The following ADAMTS17 variants were observed in gnomAD, a reference collection of about 807,000 sequenced individuals.
ADAMTS17 encodes ADAM metallopeptidase with thrombospondin type 1 motif 17, also known as A disintegrin and metalloproteinase with thrombospondin motifs 17.
ADAMTS17 carries 113 observed loss-of-function variants against 141.5 expected under a neutral mutation model. The ratio of observed to expected loss-of-function variants is 0.80; its 90% CI spans 0.69 to 0.93. The LOEUF (loss-of-function observed/expected upper bound fraction) is 0.93. Ranked by LOEUF, ADAMTS17 falls within the 40% of genes least tolerant of loss-of-function variation. The pLI is 0.00. For synonymous variants in ADAMTS17, 768 were observed against 630.6 expected, an observed-to-expected ratio of 1.22 and a Z score of -3.27; for missense variants, 1,659 against 1,517.9, an observed-to-expected ratio of 1.09 and a Z score of -1.54.
intron 15 of ADAMTS17, among the ~76,000 whole-genome samples, chr15:100,096,131 G>A (rs2035741851): frequency 6.6e-6 from 1 of 152,208 alleles, no homozygotes; most frequent in Admixed American, 6.5e-5. Context: ...GCTAAGTGGG[G>A]AGCTGTTTCC....
At chr15:100,284,738 TC>T (rs2044391788) in intron 3 of ADAMTS17, among the ~76,000 whole-genome samples, 1 of 152,258 alleles carries the variant, frequency 6.6e-6, no homozygotes, top group Admixed American at 6.5e-5. Context: ...TACCTTTAAT[TC>T]CCTAAACTGC....
chr15:100,109,771 C>G (rs12905536), intron 13 of ADAMTS17, among the ~76,000 whole-genome samples: 39,864 of 151,998 alleles, frequency 0.26, 5,535 homozygotes, highest in East Asian at 0.37. Flanking sequence ...CCAGAACGCG[C>G]CCAGCTCCCC....
chr15:99,990,801 T>G (rs1439251222), intron 20 of ADAMTS17, among the ~76,000 whole-genome samples: 1 of 152,182 alleles, frequency 6.6e-6, no homozygotes. Context: ...GCCTGAGCCA[T>G]GTTGCCACAT....
At chr15:100,198,492 C>T (rs547492763) in intron 8 of ADAMTS17, among the ~76,000 whole-genome samples, 2 of 152,334 alleles carry the variant, frequency 1.3e-5, no homozygotes, top group Middle Eastern at 3.4e-3. Flanking sequence ...TTTCCATTTA[C>T]TTATGTTCTA....
At chr15:99,975,985 G>GACTT in intron 21 of ADAMTS17, 60 bp downstream of exon 21, 1 of 1,500,750 alleles carries the variant, frequency 6.7e-7, no homozygotes, top group Non-Finnish European at 9.0e-7. Flanking sequence ...CGTCAGGGAG[G>GACTT]ACTTACTGGG....
chr15:100,138,845 G>A (rs2038472390), intron 10 of ADAMTS17, among the ~76,000 whole-genome samples: 1 of 152,148 alleles, frequency 6.6e-6, no homozygotes, highest in Admixed American at 6.5e-5. Context: ...ACCCTCGTGT[G>A]ACCCCCTCCT....
At chr15:100,095,151 T>C (rs895800354) in intron 15 of ADAMTS17, among the ~76,000 whole-genome samples, 1 of 152,188 alleles carries the variant, frequency 6.6e-6, no homozygotes, top group Non-Finnish European at 1.5e-5. Context: ...ACCAACCTGC[T>C]CCTGCCTCTC....
chr15:100,102,673 A>G (rs2036188428), intron 14 of ADAMTS17, among the ~76,000 whole-genome samples: 1 of 152,190 alleles, frequency 6.6e-6, no homozygotes, highest in African/African-American at 2.4e-5. Flanking sequence ...TCCTTTCGTA[A>G]CTAGTGCGAG....
intron 15 of ADAMTS17, among the ~76,000 whole-genome samples, chr15:100,063,100 A>G (rs1171270641): frequency 6.6e-6 from 1 of 152,228 alleles, no homozygotes; most frequent in Non-Finnish European, 1.5e-5. Context: ...CTGCATAGTT[A>G]GGAAAACTAG....
intron 8 of ADAMTS17, among the ~76,000 whole-genome samples, chr15:100,164,478 A>G (rs2039867075): frequency 6.6e-6 from 1 of 152,224 alleles, no homozygotes; most frequent in African/African-American, 2.4e-5. Flanking sequence ...CAGAGTTTAC[A>G]TTCTCTAAGG....
intron 7 of ADAMTS17, among the ~76,000 whole-genome samples, chr15:100,245,221 C>T (rs1455494121): frequency 1.3e-5 from 2 of 152,188 alleles, no homozygotes; most frequent in African/African-American, 4.8e-5. Context: ...CAGCTGCCAA[C>T]CTGGAAGGGA....
chr15:100,204,996 T>C (rs2041478039), intron 7 of ADAMTS17, among the ~76,000 whole-genome samples: 1 of 152,248 alleles, frequency 6.6e-6, no homozygotes, highest in African/African-American at 2.4e-5. Flanking sequence ...TTGTGTGTTG[T>C]AACGCCATGT....
At chr15:100,327,504 T>TA in intron 3 of ADAMTS17, among the ~76,000 whole-genome samples, 1 of 152,216 alleles carries the variant, frequency 6.6e-6, no homozygotes, top group East Asian at 1.9e-4. Context: ...ATCACTCTTC[T>TA]ATTTCACCAT....
chr15:100,059,519 G>A (rs954997202), intron 15 of ADAMTS17, among the ~76,000 whole-genome samples: 2 of 152,178 alleles, frequency 1.3e-5, no homozygotes, highest in Admixed American at 6.5e-5. Context: ...GCAATTTGCC[G>A]TGGTCCATCT....
chr15:100,315,461 T>C (rs1237559959), intron 3 of ADAMTS17, among the ~76,000 whole-genome samples: 1 of 152,164 alleles, frequency 6.6e-6, no homozygotes, highest in Non-Finnish European at 1.5e-5. Flanking sequence ...GAACAGGGCT[T>C]AACACAGCAT....
At chr15:100,089,356 G>A (rs919882947) in intron 15 of ADAMTS17, among the ~76,000 whole-genome samples, 4 of 141,114 alleles carry the variant, frequency 2.8e-5, no homozygotes, top group Non-Finnish European at 6.0e-5. Flanking sequence ...AGGATGTGGA[G>A]AAATAGAACA....
intron 6 of ADAMTS17, 151 bp downstream of exon 6, chr15:100,261,327 AC>A: frequency 1.1e-6 from 1 of 933,986 alleles, no homozygotes; most frequent in South Asian, 1.6e-5. Context: ...ACCACCGTTA[AC>A]CCCCACTTAC....
At position 100,341,923 on chromosome 15, in the gene ADAMTS17, C is replaced by T. The variant is rs754215615; in HGVS notation, c.-24G>A. 2.6e-6 allele frequency: 4 copies of T among 1,548,650 alleles called. No homozygotes were observed. Among genetic ancestry groups the T allele is most frequent in the Middle Eastern group, 1.7e-4 (1 of 5,968 alleles). ...ATGGTACCCGGGACCGGCAGCCCCCCCGGACCGTGGCGGCGAAGCAGGAGC... is the reference window on the plus strand; with the variant it reads ...ATGGTACCCGGGACCGGCAGCCCCCTCGGACCGTGGCGGCGAAGCAGGAGC... On this transcript the variant is annotated 5_prime_UTR_variant, in exon 1 of 22. Coordinates refer to ENST00000268070, the MANE Select transcript of ADAMTS17 (RefSeq NM_139057.4).
At chr15:100,084,070 G>C (rs1567145032) in intron 15 of ADAMTS17, among the ~76,000 whole-genome samples, 1 of 152,044 alleles carries the variant, frequency 6.6e-6, no homozygotes, top group Non-Finnish European at 1.5e-5. Context: ...AAGTGAAAGG[G>C]GTCAGGGAAT....
Sources: gnomAD v4.1 joint callset for allele counts (sites outside exome capture counted in the v4.1 genomes callset) on GRCh38, gnomAD v4.1.1 for gene constraint, MANE v1.5 for transcripts, NCBI Gene and HGNC (gene_info 2026-07-23, HGNC 2026-07-21) for gene names.